The following FOXP1 variants were observed in gnomAD, a reference collection of about 807,000 sequenced individuals.
The protein encoded by FOXP1 is forkhead box P1.
FOXP1 carries 15 observed loss-of-function variants against 98.2 expected under a neutral mutation model. The ratio of observed to expected loss-of-function variants is 0.15; its 90% confidence interval spans 0.10 to 0.24. The LOEUF is 0.24. FOXP1 is among the 10% of genes least tolerant of loss of function. The pLI, the probability that FOXP1 is intolerant of heterozygous loss-of-function variation, is 1.00. For missense variants in FOXP1, 633 were observed against 848.5 expected, an observed-to-expected ratio of 0.75 and a Z score of 3.15; for synonymous variants, 371 against 314.5, an observed-to-expected ratio of 1.18 and a Z score of -1.90.
At chr3:71,582,079 G>A (rs1021755494) in intron 1 of FOXP1, 1 of 983,324 alleles carries the variant, frequency 1.0e-6, no homozygotes, top group Non-Finnish European at 1.2e-6. Context: ...GCGCGGGAAT[G>A]GGGGGCTGCA....
chr3:71,046,911 G>A (rs2049102379), intron 10 of FOXP1, 31 bp downstream of exon 10: 3 of 1,613,260 alleles, frequency 1.9e-6, no homozygotes, highest in African/African-American at 2.7e-5. Flanking sequence ...AGTCTTCACA[G>A]AGCTATGCCT....
intron 5 of FOXP1, among the ~76,000 whole-genome samples, chr3:71,234,788 C>T (rs2066635452): frequency 2.0e-5 from 3 of 152,172 alleles, no homozygotes; most frequent in Admixed American, 2.0e-4. Flanking sequence ...AAATATCAGG[C>T]AGTAATCATA....
intron 2 of FOXP1, among the ~76,000 whole-genome samples, chr3:71,498,884 T>C (rs1386139983): frequency 1.3e-5 from 2 of 152,172 alleles, no homozygotes; most frequent in Admixed American, 1.3e-4. Flanking sequence ...CCGGGCACCA[T>C]CCTTTGAGAA....
At chr3:71,342,650 G>A (rs866102492) in intron 4 of FOXP1, among the ~76,000 whole-genome samples, 9 of 150,356 alleles carry the variant, frequency 6.0e-5, no homozygotes, top group Admixed American at 1.3e-4. Flanking sequence ...CCGAGATCAC[G>A]CCATTGCACT....
intron 6 of FOXP1, among the ~76,000 whole-genome samples, chr3:71,181,480 C>T (rs2062287417): frequency 1.3e-5 from 2 of 152,170 alleles, no homozygotes; most frequent in African/African-American, 4.8e-5. Flanking sequence ...GCAAAACTTG[C>T]CCAACTTCAC....
intron 9 of FOXP1, among the ~76,000 whole-genome samples, chr3:71,048,271 G>A (rs185193874): frequency 6.6e-6 from 1 of 152,210 alleles, no homozygotes; most frequent in East Asian, 1.9e-4. Flanking sequence ...ACATGTTCTG[G>A]CTAATAACTA....
chr3:71,304,920 C>T (rs909598303), intron 4 of FOXP1, among the ~76,000 whole-genome samples: 1 of 152,186 alleles, frequency 6.6e-6, no homozygotes, highest in Non-Finnish European at 1.5e-5. Context: ...ATGAAAACTC[C>T]TTCTTTTAGA....
intron 11 of FOXP1, among the ~76,000 whole-genome samples, chr3:71,030,095 G>C (rs1347855948): frequency 2.0e-5 from 3 of 152,294 alleles, no homozygotes; most frequent in South Asian, 2.1e-4. Context: ...AACTTAAGTA[G>C]AGCAGCCTGC....
rs537134244 is a variant in FOXP1 at position 70,964,212 on chromosome 3, T to TA, written c.1889+1677dup. Among the ~76,000 whole-genome samples, 7 of 152,194 alleles carry TA rather than the reference T, an allele frequency of 4.6e-5. No individual in the cohort carries two copies. The South Asian group carries it at 6.2e-4, about 13-fold the overall frequency. ...TGACATTTTTGTGTAGGGTTTCTTG[T>TA]AAAAAATAGTTGAAACCTTCATTTC... On this transcript the variant is annotated intron_variant, in intron 20 of 20. Transcript: ENST00000649528.
At chr3:71,515,863 T>C (rs2042544205) in intron 2 of FOXP1, among the ~76,000 whole-genome samples, 1 of 152,176 alleles carries the variant, frequency 6.6e-6, no homozygotes, top group African/African-American at 2.4e-5. Flanking sequence ...GTCATCTTTT[T>C]AAGGAAGGAA....
chr3:71,413,292 C>CACACACACACACACACA (rs1364185381), intron 3 of FOXP1, among the ~76,000 whole-genome samples: 131 of 89,214 alleles, frequency 1.5e-3, no homozygotes, highest in African/African-American at 4.8e-3. Flanking sequence ...ACACACACAC[C>CACACACACACACACACA]CAAAACAGCC....
chr3:71,023,319 T>C (rs2045680998), intron 11 of FOXP1, among the ~76,000 whole-genome samples: 1 of 152,206 alleles, frequency 6.6e-6, no homozygotes, highest in Non-Finnish European at 1.5e-5. Context: ...GAATCCTCCT[T>C]TTTCAGGTCC....
chr3:71,033,253 C>T (rs2047110206), intron 11 of FOXP1, among the ~76,000 whole-genome samples: 1 of 152,100 alleles, frequency 6.6e-6, no homozygotes, highest in African/African-American at 2.4e-5. Context: ...GAATGTCTAC[C>T]TTACAAGGTG....
chr3:71,486,364 G>T (rs1016208697), intron 3 of FOXP1, among the ~76,000 whole-genome samples: 1 of 152,150 alleles, frequency 6.6e-6, no homozygotes, highest in Non-Finnish European at 1.5e-5. Flanking sequence ...GGAATAAAAA[G>T]ATTTTATCTC....
chr3:70,992,303 C>T (rs991521090), intron 13 of FOXP1, among the ~76,000 whole-genome samples: 2 of 152,114 alleles, frequency 1.3e-5, no homozygotes, highest in African/African-American at 2.4e-5. Context: ...AATGATGATC[C>T]AAAGAGATTA....
At chr3:71,017,796 A>T (rs1036662812) in intron 11 of FOXP1, among the ~76,000 whole-genome samples, 2 of 152,208 alleles carry the variant, frequency 1.3e-5, no homozygotes, top group East Asian at 1.9e-4. Context: ...TGCCAATATT[A>T]TCACAACTGA....
chr3:71,507,216 C>G (rs1327239432), intron 2 of FOXP1, among the ~76,000 whole-genome samples: 1 of 152,152 alleles, frequency 6.6e-6, no homozygotes, highest in Non-Finnish European at 1.5e-5. Context: ...AACAGGTACT[C>G]TCATGCACAG....
At chr3:70,968,158 C>T (rs1015728120) in intron 19 of FOXP1, among the ~76,000 whole-genome samples, 3 of 152,144 alleles carry the variant, frequency 2.0e-5, no homozygotes, top group Non-Finnish European at 4.4e-5. Flanking sequence ...AGCACTTATA[C>T]TGATCCCTGG....
rs188974424 is a variant in FOXP1, at chr3:71,315,329, A to G, written c.-72-15449T>C. 1.6e-3 allele frequency among the ~76,000 whole-genome samples: 250 copies of G among 152,302 alleles called. 5 individuals are homozygous for G. Among genetic ancestry groups the G allele is most frequent in the African/African-American group, 5.8e-3 (243 of 41,558 alleles). ...AATACTCCTATTAATAATGATAGCA[A>G]GCACAAACCTGATTCAAAATGGGAA... is the stretch of plus-strand genomic sequence containing the variant. On this transcript the variant is annotated intron_variant, in intron 4 of 20. Transcript: ENST00000649528.
Sources: allele counts gnomAD v4.1 joint callset (sites outside exome capture counted in the v4.1 genomes callset), GRCh38; gene constraint gnomAD v4.1.1; transcripts MANE v1.5; gene names NCBI Gene and HGNC (gene_info 2026-07-23, HGNC 2026-07-21).